LRFN2: variants seen among roughly 807,000 people sequenced by gnomAD.
LRFN2 encodes the protein leucine-rich repeat and fibronectin type-III domain-containing protein 2.
A neutral mutation model predicts 37.3 loss-of-function variants in LRFN2; 18 were observed. The ratio of observed to expected loss-of-function variants is 0.48; its 90% CI spans 0.33 to 0.72. The LOEUF (loss-of-function observed/expected upper bound fraction) is 0.72, where lower values mean the gene tolerates loss of function less well. Ranked by LOEUF, LRFN2 falls within the 30% of genes least tolerant of loss-of-function variation. LRFN2 has a pLI of 0.02. For missense variants in LRFN2, 1,006 were observed against 1,060.7 expected, an observed-to-expected ratio of 0.95 and a Z score of 0.72; for synonymous variants, 556 against 466.6, an observed-to-expected ratio of 1.19 and a Z score of -2.47.
intron 2 of LRFN2, among the ~76,000 whole-genome samples, chr6:40,409,616 CA>C (rs1762918792): frequency 6.6e-6 from 1 of 152,168 alleles, no homozygotes; most frequent in Admixed American, 6.5e-5. Flanking sequence ...CCTCATCTGT[CA>C]AACGGGAATG....
At chr6:40,558,547 G>A (rs1442698445) in intron 1 of LRFN2, among the ~76,000 whole-genome samples, 1 of 126,754 alleles carries the variant, frequency 7.9e-6, no homozygotes, top group Non-Finnish European at 1.6e-5. Flanking sequence ...AGGTAAAGAA[G>A]AGCAGAGAGA....
At chr6:40,449,219 C>G (rs1433735) in intron 1 of LRFN2, among the ~76,000 whole-genome samples, 14,321 of 152,232 alleles carry the variant, frequency 0.094, 753 homozygotes, top group East Asian at 0.17. Context: ...TGTTAACTAA[C>G]TTGACATAAT....
At position 40,508,126 on chromosome 6, in the gene LRFN2, C is replaced by G. The variant is rs554766340; in HGVS notation, c.-18-74995G>C. On this transcript the variant is annotated intron_variant, in intron 1 of 2. Coordinates refer to ENST00000338305, the MANE Select transcript of LRFN2 (RefSeq NM_020737.3). The stretch of plus-strand genomic sequence containing the variant: ...CCGTCACCTTGGGCTAGTTACCTCC[C>G]CTCCAAGCCCTCACCTCCACCTAAA... Among the ~76,000 whole-genome samples, 234 of 152,290 alleles carry G rather than the reference C, an allele frequency of 1.5e-3. 2 individuals are homozygous for G. Among genetic ancestry groups the G allele is most frequent in the African/African-American group, 5.4e-3 (224 of 41,558 alleles).
intron 1 of LRFN2, among the ~76,000 whole-genome samples, chr6:40,565,809 C>T (rs1194154203): frequency 6.6e-6 from 1 of 151,798 alleles, no homozygotes; most frequent in Non-Finnish European, 1.5e-5. Flanking sequence ...CAATACCATT[C>T]AGGACATAGG....
chr6:40,523,417 A>T (rs952268187), intron 1 of LRFN2, among the ~76,000 whole-genome samples: 1 of 151,854 alleles, frequency 6.6e-6, no homozygotes, highest in Non-Finnish European at 1.5e-5. Context: ...CATTGATCAA[A>T]GTGGTGAAGG....
rs970558862 is a variant in LRFN2, at chr6:40,441,199, G to A, written c.-18-8068C>T. 3.9e-5 allele frequency among the ~76,000 whole-genome samples: 6 copies of A among 152,290 alleles called. No individual in the cohort carries two copies. In the South Asian group the frequency reaches 8.3e-4, roughly 21 times the overall value. On this transcript the variant is annotated intron_variant, in intron 1 of 2. Coordinates refer to ENST00000338305, the MANE Select transcript of LRFN2 (RefSeq NM_020737.3). ...TCACGACCTGGGCTGTGCGGCACTC[G>A]CCGTCTGTTGTCTTGAGACACGTGT... is the stretch of plus-strand genomic sequence containing the variant.
At chr6:40,503,182 A>G (rs1422803404) in intron 1 of LRFN2, among the ~76,000 whole-genome samples, 1 of 152,166 alleles carries the variant, frequency 6.6e-6, no homozygotes, top group African/African-American at 2.4e-5. Flanking sequence ...ACAGAAAACC[A>G]ACAGAGGGTT....
At chr6:40,500,324 C>A (rs545104062) in intron 1 of LRFN2, among the ~76,000 whole-genome samples, 2 of 152,330 alleles carry the variant, frequency 1.3e-5, no homozygotes, top group East Asian at 3.9e-4. Flanking sequence ...CCACAGGGGA[C>A]GTGGAGGGTG....
chr6:40,551,505 C>A (rs1004390051), intron 1 of LRFN2, among the ~76,000 whole-genome samples: 1 of 152,210 alleles, frequency 6.6e-6, no homozygotes, highest in Non-Finnish European at 1.5e-5. Flanking sequence ...ATCGTTTCAA[C>A]TAGTTGAGTT....
At chr6:40,401,755 A>C (rs1581678080) in intron 2 of LRFN2, among the ~76,000 whole-genome samples, 2 of 152,028 alleles carry the variant, frequency 1.3e-5, no homozygotes, top group Admixed American at 6.5e-5. Flanking sequence ...GTCAACAAAT[A>C]CCACCTCTTG....
intron 2 of LRFN2, among the ~76,000 whole-genome samples, chr6:40,399,710 T>TTCC (rs1451401349): frequency 2.6e-5 from 4 of 151,846 alleles, no homozygotes; most frequent in African/African-American, 7.2e-5. Flanking sequence ...AGTGCTGGGA[T>TTCC]TACAGGCGTG....
At chr6:40,448,277 C>T (rs536530680) in intron 1 of LRFN2, among the ~76,000 whole-genome samples, 2 of 152,236 alleles carry the variant, frequency 1.3e-5, no homozygotes, top group Admixed American at 1.3e-4. Flanking sequence ...TTGTGCTTCT[C>T]CTGCAACCCC....
At chr6:40,461,700 A>G (rs1031570110) in intron 1 of LRFN2, among the ~76,000 whole-genome samples, 2 of 110,340 alleles carry the variant, frequency 1.8e-5, no homozygotes, top group Non-Finnish European at 3.8e-5. Flanking sequence ...GCTAAGGAGA[A>G]AAAATAAAGT....
chr6:40,393,007 TGGGGAG>T, intron 2 of LRFN2, 95 bp from the exon 3 acceptor site: 2 of 457,642 alleles, frequency 4.4e-6, no homozygotes, highest in Non-Finnish European at 6.0e-6. Context: ...GTGACAGAGA[TGGGGAG>T]GGGGAGGGGA....
intron 2 of LRFN2, among the ~76,000 whole-genome samples, chr6:40,399,975 C>G (rs1184810037): frequency 2.6e-5 from 4 of 151,872 alleles, no homozygotes; most frequent in African/African-American, 9.7e-5. Context: ...ATCACTCCCC[C>G]AGTAAGCCAA....
chr6:40,450,942 G>A (rs1373311057), intron 1 of LRFN2, among the ~76,000 whole-genome samples: 1 of 152,164 alleles, frequency 6.6e-6, no homozygotes, highest in Non-Finnish European at 1.5e-5. Context: ...CTGAAGGAGG[G>A]ACAATATTTA....
At chr6:40,465,458 G>T (rs1392232053) in intron 1 of LRFN2, among the ~76,000 whole-genome samples, 1 of 152,160 alleles carries the variant, frequency 6.6e-6, no homozygotes, top group Non-Finnish European at 1.5e-5. Flanking sequence ...CCCCATATTG[G>T]CTTCTTGCCC....
At chr6:40,569,538 G>A (rs901749120) in intron 1 of LRFN2, among the ~76,000 whole-genome samples, 6 of 152,154 alleles carry the variant, frequency 3.9e-5, no homozygotes, top group Non-Finnish European at 5.9e-5. Context: ...CACCCGTTTG[G>A]CATAGTGGTT....
chr6:40,483,916 T>C (rs1274581765), intron 1 of LRFN2, among the ~76,000 whole-genome samples: 1 of 152,150 alleles, frequency 6.6e-6, no homozygotes, highest in African/African-American at 2.4e-5. Context: ...CACATCATCC[T>C]CCCTCTTGAG....
Sources: allele counts gnomAD v4.1 joint callset (sites outside exome capture counted in the v4.1 genomes callset), GRCh38; gene constraint gnomAD v4.1.1; transcripts MANE v1.5; gene names NCBI Gene and HGNC (gene_info 2026-07-23, HGNC 2026-07-21).